SP2: variants seen among roughly 807,000 people sequenced by gnomAD.
SP2 encodes Sp2 transcription factor, also known as transcription factor Sp2.
In SP2, 9 loss-of-function variants were observed where a neutral mutation model predicts 50.1. The observed-to-expected ratio is 0.18, with a 90% CI of 0.11 to 0.31. SP2 has a LOEUF of 0.31. Ranked by LOEUF, SP2 falls within the 10% of genes least tolerant of loss-of-function variation. The pLI is 1.00. For synonymous variants in SP2, 313 were observed against 326.6 expected, an observed-to-expected ratio of 0.96 and a Z score of 0.45; for missense variants, 581 against 806.5, an observed-to-expected ratio of 0.72 and a Z score of 3.39.
intron 1 of SP2, among the ~76,000 whole-genome samples, chr17:47,904,198 G>A (rs1308215773): frequency 1.3e-5 from 2 of 150,828 alleles, no homozygotes; most frequent in African/African-American, 2.4e-5. Flanking sequence ...CCGGGAGGCG[G>A]AGCTTGCAGT....
rs187398872 is a variant in SP2 at position 47,928,739 on chromosome 17, G to A, written c.*915G>A. ...AGTGTATATTGTATAATAGACAATT[G>A]TGTCTACTACATGTTTAAAAACACA... On this transcript the variant is annotated 3_prime_UTR_variant, in exon 7 of 7. Transcript: ENST00000376741. 1 of 152,764 alleles carries A rather than the reference G, an allele frequency of 6.5e-6. No individual in the cohort carries two copies. The highest frequency in any genetic ancestry group is 1.9e-4 in the East Asian group (1 of 5,190). The allele number at this position is 152,764 out of a possible 1,614,324, so 9.5% of individuals were successfully genotyped here.
chr17:47,919,994 G>A (rs900744454), intron 3 of SP2, among the ~76,000 whole-genome samples: 5 of 150,770 alleles, frequency 3.3e-5, no homozygotes, highest in Non-Finnish European at 5.9e-5. Flanking sequence ...GTGCCACCAC[G>A]CCCGGCTAAT....
chr17:47,922,674 A>G (rs1309788674), intron 3 of SP2, among the ~76,000 whole-genome samples: 1 of 152,138 alleles, frequency 6.6e-6, no homozygotes, highest in Non-Finnish European at 1.5e-5. Flanking sequence ...ATGGTCATTC[A>G]CAGTGCACTG....
chr17:47,930,391 A>G (rs2035794673), downstream of SP2, among the ~76,000 whole-genome samples: 1 of 152,146 alleles, frequency 6.6e-6, no homozygotes, highest in Admixed American at 6.5e-5. Context: ...CAGTACAGAA[A>G]CTGACCTGAC....
At chr17:47,917,559 G>T (rs911320932) in intron 3 of SP2, among the ~76,000 whole-genome samples, 1 of 151,714 alleles carries the variant, frequency 6.6e-6, no homozygotes, top group Non-Finnish European at 1.5e-5. Context: ...AACAGGAAGA[G>T]CAGCCTAGCT....
At chr17:47,926,982 A>G (rs1316125128) in intron 6 of SP2, among the ~76,000 whole-genome samples, 1 of 152,146 alleles carries the variant, frequency 6.6e-6, no homozygotes, top group Non-Finnish European at 1.5e-5. Flanking sequence ...TCAACACTCC[A>G]CAGAAAAGCA....
Position 47,928,066 on chromosome 17 carries a change from C to T in SP2, c.*242C>T, listed in dbSNP as rs999541206. 14 of 490,984 alleles carry T rather than the reference C, an allele frequency of 2.9e-5. No homozygotes were observed. Among genetic ancestry groups the T allele is most frequent in the East Asian group, 6.7e-5 (2 of 29,964 alleles). 30.4% of individuals were successfully genotyped at this position (490,984 alleles called of 1,614,324 possible). ...GCCTGCCCAGACTGTGGACACTGGC[C>T]GTGCCCAATGAGACGTTCTAAACCA... On this transcript the variant is annotated 3_prime_UTR_variant, in exon 7 of 7. Coordinates refer to ENST00000376741, the MANE Select transcript of SP2 (RefSeq NM_003110.6).
chr17:47,923,505 G>A (rs578035641), intron 4 of SP2, among the ~76,000 whole-genome samples: 5 of 152,334 alleles, frequency 3.3e-5, no homozygotes, highest in South Asian at 2.1e-4. Context: ...AGATGTACTC[G>A]GAAAACTTTC....
chr17:47,906,998 G>GGGAAGAGGTGGC (rs2034789608), intron 1 of SP2, among the ~76,000 whole-genome samples: 1 of 152,110 alleles, frequency 6.6e-6, no homozygotes, highest in Admixed American at 6.5e-5. Flanking sequence ...AGCCCACAAG[G>GGGAAGAGGTGGC]GGAAGAGGTG....
At chr17:47,920,218 C>T (rs890097840) in intron 3 of SP2, among the ~76,000 whole-genome samples, 1 of 152,000 alleles carries the variant, frequency 6.6e-6, no homozygotes, top group Admixed American at 6.6e-5. Context: ...CGGGTTCAAG[C>T]GATTCTCCTG....
intron 1 of SP2, chr17:47,897,820 G>C: frequency 1.0e-6 from 1 of 983,200 alleles, no homozygotes; most frequent in South Asian, 4.7e-5. Flanking sequence ...TGAAGGGGGC[G>C]AATCTATCAG....
At chr17:47,927,188 C>G (rs2035683015) in intron 6 of SP2, among the ~76,000 whole-genome samples, 1 of 152,078 alleles carries the variant, frequency 6.6e-6, no homozygotes, top group Non-Finnish European at 1.5e-5. Flanking sequence ...ACGAAATAGA[C>G]TGGAGAGGTC....
intron 3 of SP2, chr17:47,917,875 G>C: frequency 3.1e-6 from 1 of 320,170 alleles, no homozygotes; most frequent in South Asian, 2.3e-5. Context: ...AATCTCTTTG[G>C]CTCTGTGAGG....
intron 1 of SP2, among the ~76,000 whole-genome samples, chr17:47,896,916 C>A (rs2034361620): frequency 6.6e-6 from 1 of 152,250 alleles, no homozygotes; most frequent in African/African-American, 2.4e-5. Flanking sequence ...GATGACCTCT[C>A]ACCGGGGAGT....
rs1332876001 is a variant in SP2, at chr17:47,919,798, CTT to C, written c.1059+2671_1059+2672del. ...TTACGTTTAGTTGTCTCCTTAGTCT[CTT>C]TTGATCTGAAACACTTTGTCATTCC... On this transcript the variant is annotated intron_variant, in intron 3 of 6. Transcript: ENST00000376741. Among the ~76,000 whole-genome samples, 7 of 123,434 alleles carry C rather than the reference CTT, an allele frequency of 5.7e-5. No individual in the cohort carries two copies. The South Asian group carries it at 1.1e-3, about 19-fold the overall frequency. The allele number at this position is 123,434 out of a possible 152,430, so 81.0% of individuals were successfully genotyped here.
At chr17:47,929,473 G>A (rs1388898945), downstream of SP2, among the ~76,000 whole-genome samples, 7 of 152,232 alleles carry the variant, frequency 4.6e-5, no homozygotes, top group Admixed American at 4.6e-4. Flanking sequence ...GTTCCTGGGA[G>A]GGCTTGGCAG....
chr17:47,899,770 G>A (rs1323266366), intron 1 of SP2: 4 of 152,238 alleles, frequency 2.6e-5, no homozygotes. Flanking sequence ...GGAATACTGT[G>A]CTTCTCATCA....
At chr17:47,921,111 C>T (rs937105917) in intron 3 of SP2, among the ~76,000 whole-genome samples, 2 of 152,176 alleles carry the variant, frequency 1.3e-5, no homozygotes, top group African/African-American at 4.8e-5. Flanking sequence ...TATATTTTCC[C>T]AACCTCAGCC....
At chr17:47,922,524 C>CT (rs56279716) in intron 3 of SP2, among the ~76,000 whole-genome samples, 1,540 of 142,328 alleles carry the variant, frequency 0.011, 19 homozygotes, top group African/African-American at 0.031. Context: ...AGACCAGAAA[C>CT]TTTTTTTTTT....
Sources: allele counts gnomAD v4.1 joint callset (sites outside exome capture counted in the v4.1 genomes callset), GRCh38; gene constraint gnomAD v4.1.1; transcripts MANE v1.5; gene names NCBI Gene and HGNC (gene_info 2026-07-23, HGNC 2026-07-21).